Variants in KATNAL2 observed in about 807,000 individuals in gnomAD.
KATNAL2 encodes katanin p60 ATPase-containing subunit A-like 2.
In KATNAL2, 52 loss-of-function variants were observed where a neutral mutation model predicts 76.3. The observed-to-expected ratio is 0.68, with a 90% CI of 0.55 to 0.86. KATNAL2 has a LOEUF of 0.86. Ranked by LOEUF, KATNAL2 falls within the 40% of genes least tolerant of loss-of-function variation. KATNAL2 has a pLI of 0.00. For missense variants in KATNAL2, 660 were observed against 668.9 expected, an observed-to-expected ratio of 0.99 and a Z score of 0.15; for synonymous variants, 243 against 244.2, an observed-to-expected ratio of 1.00 and a Z score of 0.05.
intron 1 of KATNAL2, among the ~76,000 whole-genome samples, chr18:46,939,183 G>A (rs2059175059): frequency 6.6e-6 from 1 of 151,840 alleles, no homozygotes; most frequent in Non-Finnish European, 1.5e-5. Flanking sequence ...CTACTAAAAA[G>A]ACAAAAATTA....
chr18:47,045,329 C>CTTTT (rs10533284), intron 3 of KATNAL2, among the ~76,000 whole-genome samples: 1 of 139,498 alleles, frequency 7.2e-6, no homozygotes, highest in Non-Finnish European at 1.6e-5. Flanking sequence ...CTTTTCTTTT[C>CTTTT]TTTTTTTTTT....
intron 1 of KATNAL2, among the ~76,000 whole-genome samples, chr18:46,923,645 G>A (rs1301447787): frequency 7.2e-5 from 11 of 152,208 alleles, no homozygotes; most frequent in African/African-American, 2.4e-4. Flanking sequence ...CTGAGGAATC[G>A]CCACACTGAC....
chr18:47,056,103 C>T lies in KATNAL2; in HGVS notation c.332+1665C>T, dbSNP rs148269809. Among the ~76,000 whole-genome samples, 1,471 of 152,186 alleles carry T rather than the reference C, an allele frequency of 9.7e-3. 22 individuals carry two copies. The highest frequency in any genetic ancestry group is 0.032 in the African/African-American group (1,339 of 41,510). On this transcript the variant is annotated intron_variant, in intron 6 of 17. Coordinates refer to ENST00000683218, the MANE Select transcript of KATNAL2 (RefSeq NM_001387690.1). ...CCCCACTTAAAGATTTGCTGATGAA[C>T]CAAGGGAGGAAAGGTTATCTAATGT...
chr18:46,917,934 A>G lies in KATNAL2; in HGVS notation c.-510+8A>G, dbSNP rs1012109040. 3 of 152,108 alleles carry G rather than the reference A, an allele frequency of 2.0e-5. No homozygotes were observed. The highest frequency in any genetic ancestry group is 4.4e-5 in the Non-Finnish European group (3 of 68,046). 9.4% of individuals were successfully genotyped at this position (152,108 alleles called of 1,614,324 possible). A position where few individuals can be genotyped will look rare whatever the true frequency, so the allele number is the denominator to read the frequency against. On this transcript the variant is annotated splice_region_variant and intron_variant, in intron 1 of 17. Coordinates refer to ENST00000683218, the MANE Select transcript of KATNAL2 (RefSeq NM_001387690.1). ...TCTAAATATGGGTGTTGGGTAAGCT[A>G]TTGTTCCCATCTAATGGTGAGGTTG...
chr18:46,961,558 A>C (rs748255911), intron 3 of KATNAL2, among the ~76,000 whole-genome samples: 3 of 152,226 alleles, frequency 2.0e-5, no homozygotes, highest in Non-Finnish European at 4.4e-5. Context: ...ACTTACAATG[A>C]GGGTTTTAAA....
intron 15 of KATNAL2, among the ~76,000 whole-genome samples, chr18:47,089,742 G>T (rs987240889): frequency 6.6e-6 from 1 of 152,102 alleles, no homozygotes. Context: ...AGTTGATGCG[G>T]CTTTTCTCTA....
chr18:47,075,182 CTTAT>C (rs2062155627), intron 13 of KATNAL2, 91 bp from the exon 14 acceptor site: 3 of 911,624 alleles, frequency 3.3e-6, no homozygotes, highest in Non-Finnish European at 4.8e-6. Flanking sequence ...AGCATAAATG[CTTAT>C]TATTACAGTC....
chr18:47,073,874 A>G (rs1374640687), intron 13 of KATNAL2, among the ~76,000 whole-genome samples: 2 of 152,254 alleles, frequency 1.3e-5, no homozygotes, highest in African/African-American at 2.4e-5. Flanking sequence ...AGAGCAATGC[A>G]GAGGACAGTA....
intron 1 of KATNAL2, among the ~76,000 whole-genome samples, chr18:46,932,661 A>G (rs1437242156): frequency 2.2e-4 from 29 of 129,876 alleles, no homozygotes; most frequent in Non-Finnish European, 4.2e-4. Flanking sequence ...GCAACAGAGC[A>G]AGACTCTGTC....
At chr18:46,956,024 T>TA (rs1270238094) in intron 3 of KATNAL2, among the ~76,000 whole-genome samples, 1 of 152,218 alleles carries the variant, frequency 6.6e-6, no homozygotes, top group Non-Finnish European at 1.5e-5. Flanking sequence ...AGTGAATATT[T>TA]AAAAAATTGA....
At chr18:46,932,748 G>T (rs1052669852) in intron 1 of KATNAL2, among the ~76,000 whole-genome samples, 27 of 150,336 alleles carry the variant, frequency 1.8e-4, no homozygotes, top group Non-Finnish European at 3.2e-4. Context: ...GCCAAAACCA[G>T]GCAAAGGTAG....
chr18:47,072,051 A>G (rs1478102911), intron 13 of KATNAL2, among the ~76,000 whole-genome samples: 1 of 129,554 alleles, frequency 7.7e-6, no homozygotes, highest in African/African-American at 3.0e-5. Flanking sequence ...GCTAACTGCA[A>G]CCTCTGTCAA....
At chr18:47,100,208 G>T in intron 16 of KATNAL2, 46 bp from the exon 17 acceptor site, 1 of 1,373,074 alleles carries the variant, frequency 7.3e-7, no homozygotes, top group South Asian at 1.2e-5. Flanking sequence ...TAATGGCCAG[G>T]AGCATTCTGC....
rs1474647314 is a variant in KATNAL2 at position 47,077,461 on chromosome 18, G to C, written c.1211G>C (p.Trp404Ser). ...GTCTTAGCAGCTTCTAACCTGCCGTGGTAAGAGACCAAGAGAGTAAATTTT... is the reference window on the plus strand; with the variant it reads ...GTCTTAGCAGCTTCTAACCTGCCGTCGTAAGAGACCAAGAGAGTAAATTTT... ...VFVLAASNLP[W>S]ELDCAMLRRL... Residue 404 changes from tryptophan (W) to serine (S), a missense_variant and splice_region_variant, in exon 15 of 18, where the codon TGG (tryptophan) becomes TCG (serine). Trp to Ser is a radical substitution (Grantham distance 177). Transcript: ENST00000683218. 1 of 1,607,850 alleles carries C rather than the reference G, an allele frequency of 6.2e-7. No individual in the cohort carries two copies. The highest frequency in any genetic ancestry group is 8.5e-7 in the Non-Finnish European group (1 of 1,174,420).
intron 3 of KATNAL2, among the ~76,000 whole-genome samples, chr18:46,967,478 G>GGTGT (rs71906626): frequency 1.8e-3 from 198 of 107,956 alleles, no homozygotes; most frequent in African/African-American, 5.9e-3. Flanking sequence ...TTTACTTAAT[G>GGTGT]GTGTGTGTGT....
At chr18:46,933,366 A>T (rs1432245820) in intron 1 of KATNAL2, among the ~76,000 whole-genome samples, 1 of 152,228 alleles carries the variant, frequency 6.6e-6, no homozygotes. Flanking sequence ...GGGCAAGAGA[A>T]AAAGAAATCT....
At position 46,946,551 on chromosome 18, in the gene KATNAL2, A is replaced by G. The variant is rs892749245; in HGVS notation, c.-20+5A>G. 4.1e-6 allele frequency: 4 copies of G among 985,372 alleles called. No homozygotes were observed. The African/African-American group carries it at 7.0e-5, about 17-fold the overall frequency. 61.0% of individuals were successfully genotyped at this position (985,372 alleles called of 1,614,324 possible). ...AAATCAAGGACAAATATTATGGTAC[A>G]TGGCCCTGGGTCAGCTTGTATTTTA... On this transcript the variant is annotated splice_donor_5th_base_variant and intron_variant, in intron 2 of 17. Transcript: ENST00000683218.
At chr18:47,099,489 T>C (rs1342671293) in intron 16 of KATNAL2, 84 bp downstream of exon 16, 18 of 1,337,320 alleles carry the variant, frequency 1.3e-5, no homozygotes, top group Non-Finnish European at 1.7e-5. Flanking sequence ...CATGAGCTGA[T>C]AGAAGCTTGA....
chr18:46,967,425 T>C (rs2060164067), intron 3 of KATNAL2, among the ~76,000 whole-genome samples: 1 of 119,778 alleles, frequency 8.3e-6, no homozygotes, highest in Non-Finnish European at 1.9e-5. Flanking sequence ...GTCTTTCTAT[T>C]TCTCTCTCTA....
Sources: allele counts gnomAD v4.1 joint callset (sites outside exome capture counted in the v4.1 genomes callset), GRCh38; gene constraint gnomAD v4.1.1; transcripts MANE v1.5; gene names NCBI Gene and HGNC (gene_info 2026-07-23, HGNC 2026-07-21).